TENM3: variants seen among roughly 807,000 people sequenced by gnomAD.
TENM3 encodes the protein teneurin-3.
A neutral mutation model predicts 255.1 loss-of-function variants in TENM3; 63 were observed. The observed-to-expected ratio is 0.25, with a 90% CI of 0.20 to 0.30. The LOEUF (loss-of-function observed/expected upper bound fraction) is 0.30, where lower values mean the gene tolerates loss of function less well. Among genes scored for constraint, TENM3 ranks in the 10% least tolerant of loss-of-function variants. TENM3 has a pLI of 1.00. For synonymous variants in TENM3, 1,306 were observed against 1,322.3 expected, an observed-to-expected ratio of 0.99 and a Z score of 0.27; for missense variants, 2,929 against 3,461.1, an observed-to-expected ratio of 0.85 and a Z score of 3.86.
intron 1 of TENM3, among the ~76,000 whole-genome samples, chr4:182,203,284 C>G (rs1224017029): frequency 2.0e-5 from 3 of 152,024 alleles, no homozygotes; most frequent in African/African-American, 7.2e-5. Flanking sequence ...TCTCCTCCAC[C>G]CAGCTATCAC....
chr4:181,809,484 C>A, the TENM3 span, among the ~76,000 whole-genome samples: 31 of 152,208 alleles, frequency 2.0e-4, no homozygotes, highest in East Asian at 5.4e-3. Context: ...TTGGTTCGAT[C>A]GTGTATTGCC....
At chr4:181,840,475 A>G in the TENM3 span, among the ~76,000 whole-genome samples, 1 of 152,016 alleles carries the variant, frequency 6.6e-6, no homozygotes, top group Non-Finnish European at 1.5e-5. Context: ...GTCTGAGTCT[A>G]CTCTAAACTA....
chr4:181,756,465 C>T, the TENM3 span, among the ~76,000 whole-genome samples: 1 of 152,122 alleles, frequency 6.6e-6, no homozygotes, highest in East Asian at 1.9e-4. Flanking sequence ...GCCTATGAAA[C>T]AGGTGCTGCT....
intron 22 of TENM3, among the ~76,000 whole-genome samples, chr4:182,771,323 C>T (rs560667147): frequency 6.1e-4 from 93 of 152,240 alleles, no homozygotes; most frequent in African/African-American, 2.2e-3. Context: ...GCAGGTGGTA[C>T]AATCTATATA....
At chr4:182,171,579 G>C (rs184258130) in intron 1 of TENM3, among the ~76,000 whole-genome samples, 1 of 151,910 alleles carries the variant, frequency 6.6e-6, no homozygotes, top group African/African-American at 2.4e-5. Context: ...TCCTCCTACC[G>C]CAGTCTCTCA....
At chr4:182,580,332 G>C (rs1223936750) in intron 3 of TENM3, among the ~76,000 whole-genome samples, 1 of 149,378 alleles carries the variant, frequency 6.7e-6, no homozygotes, top group African/African-American at 2.4e-5. Flanking sequence ...TTAGAGGGGG[G>C]CACTCTCCTA....
chr4:181,791,180 A>G, the TENM3 span, among the ~76,000 whole-genome samples: 14 of 152,198 alleles, frequency 9.2e-5, no homozygotes, highest in African/African-American at 3.4e-4. Context: ...CGATGTCTTC[A>G]CGATAGTGGT....
At chr4:182,589,725 C>T (rs1373950491) in intron 3 of TENM3, among the ~76,000 whole-genome samples, 1 of 152,118 alleles carries the variant, frequency 6.6e-6, no homozygotes, top group Non-Finnish European at 1.5e-5. Context: ...GTAATCCCAG[C>T]ACTTTGGGAG....
chr4:181,873,919 G>A, the TENM3 span, among the ~76,000 whole-genome samples: 11,985 of 152,044 alleles, frequency 0.079, 710 homozygotes, highest in East Asian at 0.32. Context: ...AGAGTAGCTG[G>A]GATTACAGGC....
At chr4:181,472,888 A>G in the TENM3 span, among the ~76,000 whole-genome samples, 1 of 152,168 alleles carries the variant, frequency 6.6e-6, no homozygotes, top group Admixed American at 6.5e-5. Context: ...TGTTGTGAGT[A>G]GAATTCTTAC....
the TENM3 span, among the ~76,000 whole-genome samples, chr4:182,046,720 G>T: frequency 2.6e-5 from 4 of 151,782 alleles, no homozygotes; most frequent in Non-Finnish European, 5.9e-5. Flanking sequence ...ATAAAATGAG[G>T]CCCCATGTCT....
chr4:181,949,069 C>T, the TENM3 span, among the ~76,000 whole-genome samples: 5 of 152,158 alleles, frequency 3.3e-5, no homozygotes, highest in South Asian at 8.3e-4. Context: ...ACTGATCTAG[C>T]AATGCCAGAC....
chr4:182,784,711 G>C (rs1338230902), intron 24 of TENM3, among the ~76,000 whole-genome samples: 9 of 150,558 alleles, frequency 6.0e-5, no homozygotes, highest in Admixed American at 3.3e-4. Context: ...GCGAGACTCC[G>C]TGGGCGTAGG....
intron 4 of TENM3, among the ~76,000 whole-genome samples, chr4:182,612,394 GTCAACTCCTC>G (rs1352507941): frequency 6.6e-6 from 1 of 151,988 alleles, no homozygotes; most frequent in Non-Finnish European, 1.5e-5. Flanking sequence ...CAGCATCACT[GTCAACTCCTC>G]TTCTCCTTTT....
At chr4:181,630,704 C>G in the TENM3 span, among the ~76,000 whole-genome samples, 1 of 152,138 alleles carries the variant, frequency 6.6e-6, no homozygotes, top group South Asian at 2.1e-4. Context: ...GTCTGAGAAA[C>G]AGTTTGTTAA....
At chr4:182,689,167 A>C (rs1333303270) in intron 12 of TENM3, among the ~76,000 whole-genome samples, 1 of 152,218 alleles carries the variant, frequency 6.6e-6, no homozygotes, top group Non-Finnish European at 1.5e-5. Flanking sequence ...GAAAGTACAC[A>C]GTATTAATTA....
the TENM3 span, among the ~76,000 whole-genome samples, chr4:182,016,033 A>T: frequency 6.6e-6 from 1 of 152,162 alleles, no homozygotes; most frequent in Non-Finnish European, 1.5e-5. Context: ...TGGGAATCTG[A>T]TGTCATTTTC....
At chr4:182,093,835 C>T in the TENM3 span, among the ~76,000 whole-genome samples, 7 of 151,820 alleles carry the variant, frequency 4.6e-5, no homozygotes, top group African/African-American at 7.3e-5. Context: ...CAGGGGCCCA[C>T]GGTACTTTCA....
chr4:182,076,144 C>T, the TENM3 span, among the ~76,000 whole-genome samples: 4 of 151,692 alleles, frequency 2.6e-5, no homozygotes, highest in Non-Finnish European at 5.9e-5. Flanking sequence ...CTCGTGGCCT[C>T]ACACAATCAA....
Sources: allele counts gnomAD v4.1 joint callset (sites outside exome capture counted in the v4.1 genomes callset), GRCh38; gene constraint gnomAD v4.1.1; transcripts MANE v1.5; gene names NCBI Gene and HGNC (gene_info 2026-07-23, HGNC 2026-07-21).